The following ADGRB3 variants were observed in gnomAD, a reference collection of about 807,000 sequenced individuals.
ADGRB3 encodes adhesion G protein-coupled receptor B3.
Under a neutral mutation model 193.4 loss-of-function variants are expected in ADGRB3, and 37 were observed. The observed-to-expected ratio is 0.19, with a 90% CI of 0.15 to 0.25. The LOEUF (loss-of-function observed/expected upper bound fraction) is 0.25, where lower values mean the gene tolerates loss of function less well. Ranked by LOEUF, ADGRB3 falls within the 10% of genes least tolerant of loss-of-function variation. The probability of loss-of-function intolerance (pLI) is 1.00; values close to 1 mark genes in which losing one functional copy is unlikely to be tolerated. For synonymous variants in ADGRB3, 690 were observed against 644.2 expected, an observed-to-expected ratio of 1.07 and a Z score of -1.08; for missense variants, 1,637 against 1,852.9, an observed-to-expected ratio of 0.88 and a Z score of 2.14.
chr6:69,016,968 A>G (rs1770110625), intron 12 of ADGRB3, among the ~76,000 whole-genome samples: 2 of 151,942 alleles, frequency 1.3e-5, no homozygotes, highest in South Asian at 4.1e-4. Flanking sequence ...AGTAGCAGGA[A>G]GCCTTGGTGA....
At chr6:69,326,063 A>T (rs1768561976) in intron 21 of ADGRB3, among the ~76,000 whole-genome samples, 1 of 152,122 alleles carries the variant, frequency 6.6e-6, no homozygotes, top group South Asian at 2.1e-4. Flanking sequence ...GCAATATGGC[A>T]AAACCCCATC....
chr6:69,355,258 T>C (rs1169807200), intron 27 of ADGRB3, among the ~76,000 whole-genome samples: 1 of 152,152 alleles, frequency 6.6e-6, no homozygotes, highest in African/African-American at 2.4e-5. Flanking sequence ...CCCCAGAAGG[T>C]TCTCGACCAG....
chr6:68,708,933 GA>G (rs945408900), intron 3 of ADGRB3, among the ~76,000 whole-genome samples: 3 of 151,262 alleles, frequency 2.0e-5, no homozygotes, highest in African/African-American at 4.9e-5. Context: ...ATTGAAATCA[GA>G]AAAAAAATCA....
intron 20 of ADGRB3, among the ~76,000 whole-genome samples, chr6:69,295,314 C>T (rs541462148): frequency 5.3e-5 from 8 of 152,246 alleles, no homozygotes; most frequent in African/African-American, 1.7e-4. Flanking sequence ...ATTGAAAAAC[C>T]GATTCAAGCC....
intron 17 of ADGRB3, among the ~76,000 whole-genome samples, chr6:69,186,944 GT>G (rs61067182): frequency 4.9e-4 from 68 of 137,758 alleles, no homozygotes; most frequent in African/African-American, 6.1e-4. Context: ...TTTGTTTTTT[GT>G]TTTTTTTTTT....
intron 15 of ADGRB3, among the ~76,000 whole-genome samples, chr6:69,058,073 T>A (rs990843770): frequency 6.6e-6 from 1 of 151,922 alleles, no homozygotes; most frequent in African/African-American, 2.4e-5. Flanking sequence ...TCCTCTAGAC[T>A]TTTGTTGAGA....
At chr6:68,708,945 T>C (rs1339325451) in intron 3 of ADGRB3, among the ~76,000 whole-genome samples, 1 of 152,118 alleles carries the variant, frequency 6.6e-6, no homozygotes, top group East Asian at 1.9e-4. Flanking sequence ...AAAAAAATCA[T>C]TATATCTCAC....
At chr6:68,801,107 C>A (rs1467324941) in intron 3 of ADGRB3, among the ~76,000 whole-genome samples, 1 of 152,184 alleles carries the variant, frequency 6.6e-6, no homozygotes, top group East Asian at 1.9e-4. Context: ...GCATTTATTT[C>A]ACTGTTCAAC....
intron 17 of ADGRB3, among the ~76,000 whole-genome samples, chr6:69,089,648 C>T (rs2150317084): frequency 6.6e-6 from 1 of 152,276 alleles, no homozygotes; most frequent in Middle Eastern, 3.4e-3. Context: ...TACAATTCTA[C>T]TTATTTAATT....
At chr6:68,692,959 A>G (rs1765100236) in intron 3 of ADGRB3, among the ~76,000 whole-genome samples, 1 of 151,124 alleles carries the variant, frequency 6.6e-6, no homozygotes, top group Non-Finnish European at 1.5e-5. Context: ...TGTAACTATT[A>G]TGGTTATATT....
intron 17 of ADGRB3, among the ~76,000 whole-genome samples, chr6:69,146,645 G>A (rs964809945): frequency 6.6e-6 from 1 of 152,196 alleles, no homozygotes; most frequent in African/African-American, 2.4e-5. Flanking sequence ...TGGAGTGCAC[G>A]GCCCTGGCTA....
At position 69,055,583 on chromosome 6, in the gene ADGRB3, A is replaced by G. The variant is rs188061193; in HGVS notation, c.2333+6237A>G. 2.0e-5 allele frequency among the ~76,000 whole-genome samples: 3 copies of G among 152,336 alleles called. No individual in the cohort carries two copies. The East Asian group carries it at 5.8e-4, about 29-fold the overall frequency. On this transcript the variant is annotated intron_variant, in intron 15 of 31. Coordinates refer to ENST00000370598, the MANE Select transcript of ADGRB3 (RefSeq NM_001704.3). Reference sequence around the variant, plus strand: ...TTCCACCTCTTGGCAATTGTCAATTACACATGATGAACATGGGTGTTCAAA... The same window carrying G: ...TTCCACCTCTTGGCAATTGTCAATTGCACATGATGAACATGGGTGTTCAAA...
chr6:68,824,672 G>A (rs551114877), intron 3 of ADGRB3, among the ~76,000 whole-genome samples: 20 of 148,402 alleles, frequency 1.3e-4, no homozygotes, highest in African/African-American at 4.9e-4. Context: ...GTGTAATCAT[G>A]CAACCACCAC....
At chr6:69,248,704 G>T (rs938780680) in intron 20 of ADGRB3, among the ~76,000 whole-genome samples, 2 of 152,204 alleles carry the variant, frequency 1.3e-5, no homozygotes, top group Non-Finnish European at 2.9e-5. Flanking sequence ...ATAAAGCAAT[G>T]GATGTGACTG....
intron 4 of ADGRB3, among the ~76,000 whole-genome samples, chr6:68,934,000 C>T (rs943009242): frequency 1.3e-5 from 2 of 152,106 alleles, no homozygotes; most frequent in African/African-American, 4.8e-5. Context: ...ATATTTTTAA[C>T]ATCTTTCTTA....
In ADGRB3 at chr6:69,219,816, A is replaced by G. The variant is rs188104113; in HGVS notation, c.2481-13474A>G. 5.3e-5 allele frequency among the ~76,000 whole-genome samples: 8 copies of G among 152,018 alleles called. No individual in the cohort carries two copies. The East Asian group carries it at 1.4e-3, about 26-fold the overall frequency. ...AAGAAATCAGTGTCAAAATTCCCTT[A>G]CATTTTACATCCTTTACCTTAAATA... On this transcript the variant is annotated intron_variant, in intron 17 of 31. Coordinates refer to ENST00000370598, the MANE Select transcript of ADGRB3 (RefSeq NM_001704.3).
chr6:68,789,489 C>G (rs1161650832), intron 3 of ADGRB3, among the ~76,000 whole-genome samples: 2 of 152,228 alleles, frequency 1.3e-5, no homozygotes, highest in Non-Finnish European at 2.9e-5. Context: ...GGTCCCCACA[C>G]TCTTCTGGCT....
intron 13 of ADGRB3, among the ~76,000 whole-genome samples, chr6:69,031,037 C>CTCTCT (rs749578717): frequency 0.023 from 839 of 36,322 alleles, 40 homozygotes; most frequent in African/African-American, 0.042. Flanking sequence ...CTCTTCTCTT[C>CTCTCT]TCTCTTCTCT....
At position 68,638,770 on chromosome 6, in the gene ADGRB3, C is replaced by T. The variant is rs748603035; in HGVS notation, c.95C>T (p.Thr32Ile). Residue 32 changes from threonine to isoleucine, a missense_variant, in exon 3 of 32, where the codon ACT (threonine) becomes ATT (isoleucine). Physicochemically the swap from Thr to Ile is moderately conservative, Grantham distance 89 (BLOSUM62 -1). This residue lies in a region of ADGRB3 where 365 missense variants were observed against 409.8 expected (regional missense o/e 0.89). Coordinates refer to ENST00000370598, the MANE Select transcript of ADGRB3 (RefSeq NM_001704.3). ...FNAAQDFWCS[T>I]LVKGVIYGSY... ...GCTGCCCAAGACTTCTGGTGTTCAA[C>T]TTTGGTGAAGGGAGTCATTTATGGA... The T allele has an allele frequency of 3.1e-6, 5 of 1,614,120 alleles. No homozygotes were observed. Among genetic ancestry groups the T allele is most frequent in the Admixed American group, 1.7e-5 (1 of 60,028 alleles).
Sources: gnomAD v4.1 joint callset for allele counts (sites outside exome capture counted in the v4.1 genomes callset) on GRCh38, gnomAD v4.1.1 for gene constraint, gnomAD v4.1.1 regional missense constraint, MANE v1.5 for transcripts, NCBI Gene and HGNC (gene_info 2026-07-23, HGNC 2026-07-21) for gene names.